The following PIGU variants were observed in gnomAD, a reference collection of about 807,000 sequenced individuals.
PIGU encodes phosphatidylinositol glycan anchor biosynthesis class U, also known as GPI-anchor transamidase component PIGU.
In PIGU, 24 loss-of-function variants were observed where a neutral mutation model predicts 49.9. The ratio of observed to expected loss-of-function variants is 0.48; its 90% CI spans 0.35 to 0.68. PIGU has a LOEUF of 0.68. PIGU is among the 30% of genes least tolerant of loss of function. PIGU has a pLI of 0.01. For missense variants in PIGU, 490 were observed against 532.6 expected, an observed-to-expected ratio of 0.92 and a Z score of 0.79; for synonymous variants, 220 against 205.7, an observed-to-expected ratio of 1.07 and a Z score of -0.59.
intron 2 of PIGU, among the ~76,000 whole-genome samples, chr20:34,650,389 G>T (rs184141086): frequency 6.6e-6 from 1 of 152,006 alleles, no homozygotes; most frequent in African/African-American, 2.4e-5. Context: ...TTCCACCTCA[G>T]CCTCCCAAGT....
At chr20:34,594,083 G>T (rs1194261386) in intron 7 of PIGU, among the ~76,000 whole-genome samples, 1 of 149,332 alleles carries the variant, frequency 6.7e-6, no homozygotes, top group Non-Finnish European at 1.5e-5. Flanking sequence ...AGGCTGAAGT[G>T]AGAGGATCAC....
At chr20:34,650,613 T>G (rs897717383) in intron 2 of PIGU, among the ~76,000 whole-genome samples, 1 of 151,334 alleles carries the variant, frequency 6.6e-6, no homozygotes, top group Non-Finnish European at 1.5e-5. Context: ...AACTTCAATA[T>G]CTAAATCACC....
At chr20:34,663,412 A>G (rs1568665172) in intron 1 of PIGU, among the ~76,000 whole-genome samples, 1 of 151,984 alleles carries the variant, frequency 6.6e-6, no homozygotes, top group Non-Finnish European at 1.5e-5. Context: ...AGGAGGTCAA[A>G]GCTGCAGCGA....
Position 34,644,245 on chromosome 20 carries a change from A to C in PIGU, c.256-19T>G. Reference sequence around the variant, plus strand: ...CAGTTATCTGTCAAAAGAAAGAGAAATAATAGGAAATGGAACACAGTAAGT... The same window carrying C: ...CAGTTATCTGTCAAAAGAAAGAGAACTAATAGGAAATGGAACACAGTAAGT... On this transcript the variant is annotated intron_variant, in intron 3 of 11. Transcript: ENST00000217446. 1 of 1,580,284 alleles carries C rather than the reference A, an allele frequency of 6.3e-7. No individual in the cohort carries two copies.
chr20:34,568,610 C>G (rs1982875321), intron 11 of PIGU, among the ~76,000 whole-genome samples: 1 of 152,184 alleles, frequency 6.6e-6, no homozygotes, highest in Non-Finnish European at 1.5e-5. Flanking sequence ...AGCATTTCCT[C>G]ATAGGTCCCA....
intron 1 of PIGU, among the ~76,000 whole-genome samples, chr20:34,662,893 A>C (rs545245688): frequency 4.6e-5 from 7 of 152,132 alleles, no homozygotes; most frequent in Non-Finnish European, 8.8e-5. Context: ...TTTTACAATT[A>C]TTCAAAAGAA....
intron 6 of PIGU, among the ~76,000 whole-genome samples, chr20:34,616,824 CGAAAA>C (rs1985029980): frequency 6.6e-6 from 1 of 151,874 alleles, no homozygotes; most frequent in African/African-American, 2.4e-5. Flanking sequence ...TTTTAAAAGA[CGAAAA>C]GCCAGCAGGC....
chr20:34,608,045 T>C (rs1600624047), intron 7 of PIGU, among the ~76,000 whole-genome samples: 2 of 152,042 alleles, frequency 1.3e-5, no homozygotes, highest in African/African-American at 4.8e-5. Flanking sequence ...CTTGCCCTTT[T>C]AGTGAGCATC....
At chr20:34,565,451 G>A (rs146067916) in intron 11 of PIGU, among the ~76,000 whole-genome samples, 1,633 of 151,858 alleles carry the variant, frequency 0.011, 40 homozygotes, top group African/African-American at 0.038. Flanking sequence ...TAGTAGAGAC[G>A]GGGTTTCACC....
rs141448480 is a variant in PIGU at position 34,616,825 on chromosome 20, G to A, written c.530-686C>T. On this transcript the variant is annotated intron_variant, in intron 6 of 11. Transcript: ENST00000217446. ...AATGCACAAACATTTTTTAAAAGAC[G>A]AAAAGCCAGCAGGCAAAGTAACTCA... 2.0e-3 allele frequency among the ~76,000 whole-genome samples: 303 copies of A among 151,970 alleles called. 3 individuals carry two copies. In the East Asian group the frequency reaches 0.022, roughly 11 times the overall value.
Position 34,565,749 on chromosome 20 carries a change from G to A in PIGU, c.1195-4770C>T, listed in dbSNP as rs1033766822. 8.6e-5 allele frequency among the ~76,000 whole-genome samples: 12 copies of A among 139,348 alleles called. No individual in the cohort carries two copies. In the South Asian group the frequency reaches 1.5e-3, roughly 17 times the overall value. 91.4% of individuals were successfully genotyped at this position (139,348 alleles called of 152,430 possible). A position where few individuals can be genotyped will look rare whatever the true frequency, so the allele number is the denominator to read the frequency against. Reference sequence around the variant, plus strand: ...CACACACACACAGGTGCACACACACGCACACTCACACTGCTCACACATGCA... The same window carrying A: ...CACACACACACAGGTGCACACACACACACACTCACACTGCTCACACATGCA... On this transcript the variant is annotated intron_variant, in intron 11 of 11. Coordinates refer to ENST00000217446, the MANE Select transcript of PIGU (RefSeq NM_080476.5).
At chr20:34,650,696 T>TTCTC (rs1568658798) in intron 2 of PIGU, among the ~76,000 whole-genome samples, 3 of 130,596 alleles carry the variant, frequency 2.3e-5, no homozygotes, top group African/African-American at 5.7e-5. Flanking sequence ...TTTTCTTTTT[T>TTCTC]TCTCTTTTTT....
At chr20:34,653,179 G>T (rs1986596636) in intron 2 of PIGU, among the ~76,000 whole-genome samples, 3 of 152,096 alleles carry the variant, frequency 2.0e-5, no homozygotes. Context: ...CACCATGTTG[G>T]TCAGGCTGGT....
At chr20:34,665,790 C>T (rs1220571974) in intron 1 of PIGU, among the ~76,000 whole-genome samples, 2 of 152,174 alleles carry the variant, frequency 1.3e-5, no homozygotes, top group African/African-American at 4.8e-5. Flanking sequence ...CATCTATGTA[C>T]ATCTAAGGCA....
rs898426891 is a variant in PIGU at position 34,655,699 on chromosome 20, G to A, written c.195+1481C>T. Among the ~76,000 whole-genome samples, 3 of 121,226 alleles carry A rather than the reference G, an allele frequency of 2.5e-5. 1 individual carries two copies. Among genetic ancestry groups the A allele is most frequent in the Non-Finnish European group, 3.5e-5 (2 of 56,656 alleles). The allele number at this position is 121,226 out of a possible 152,430, so 79.5% of individuals were successfully genotyped here. A position where few individuals can be genotyped will look rare whatever the true frequency, so the allele number is the denominator to read the frequency against. ...AAAAAAATAAAAAAGAATGGAAAGG[G>A]CAGTGGAAAGAAATGTGATGGATGT... is the stretch of plus-strand genomic sequence containing the variant. On this transcript the variant is annotated intron_variant, in intron 2 of 11. Coordinates refer to ENST00000217446, the MANE Select transcript of PIGU (RefSeq NM_080476.5).
At position 34,570,949 on chromosome 20, in the gene PIGU, G is replaced by T. The variant is rs1398158143; in HGVS notation, c.1194+4155C>A. Among the ~76,000 whole-genome samples the T allele has an allele frequency of 5.9e-5, 9 of 152,278 alleles. No homozygotes were observed. In the East Asian group the frequency reaches 1.7e-3, roughly 29 times the overall value. On this transcript the variant is annotated intron_variant, in intron 11 of 11. Coordinates refer to ENST00000217446, the MANE Select transcript of PIGU (RefSeq NM_080476.5). ...CTGTCTCTCCAGGAATCTGCTCTGG[G>T]TATTTGAAGAGCATGTTGCTCTTGC...
At chr20:34,624,554 T>C (rs116764958) in intron 6 of PIGU, among the ~76,000 whole-genome samples, 90 of 152,336 alleles carry the variant, frequency 5.9e-4, no homozygotes, top group African/African-American at 2.1e-3. Flanking sequence ...GGTGGCAAAC[T>C]TCAAGAATAT....
At chr20:34,570,747 C>T (rs996525399) in intron 11 of PIGU, among the ~76,000 whole-genome samples, 1 of 152,196 alleles carries the variant, frequency 6.6e-6, no homozygotes, top group African/African-American at 2.4e-5. Flanking sequence ...CTTATGTTCT[C>T]TGTTTTTAAA....
chr20:34,658,046 G>A (rs1164449463), intron 1 of PIGU, among the ~76,000 whole-genome samples: 4 of 151,484 alleles, frequency 2.6e-5, no homozygotes, highest in South Asian at 2.1e-4. Flanking sequence ...ATGCCGAGCC[G>A]AAGCTGGACT....
Sources: allele counts gnomAD v4.1 joint callset (sites outside exome capture counted in the v4.1 genomes callset), GRCh38; gene constraint gnomAD v4.1.1; transcripts MANE v1.5; gene names NCBI Gene and HGNC (gene_info 2026-07-23, HGNC 2026-07-21).